Variants in GUCY1A2 observed in about 807,000 individuals in gnomAD.
GUCY1A2 encodes the protein guanylate cyclase 1 soluble subunit alpha 2.
GUCY1A2 carries 27 observed loss-of-function variants against 63.5 expected under a neutral mutation model. That is an observed-to-expected ratio of 0.43 (90% CI 0.31 to 0.59). The LOEUF is 0.59. GUCY1A2 is among the 20% of genes least tolerant of loss of function. The probability of loss-of-function intolerance (pLI) is 0.11; values close to 1 mark genes in which losing one functional copy is unlikely to be tolerated. For missense variants in GUCY1A2, 768 were observed against 913.3 expected, an observed-to-expected ratio of 0.84 and a Z score of 2.05; for synonymous variants, 364 against 343.5, an observed-to-expected ratio of 1.06 and a Z score of -0.66.
intron 4 of GUCY1A2, among the ~76,000 whole-genome samples, chr11:106,913,877 T>C (rs558304287): frequency 2.0e-5 from 3 of 146,374 alleles, no homozygotes; most frequent in Non-Finnish European, 3.0e-5. Flanking sequence ...AGCCACAACA[T>C]AGAAAAAGTA....
intron 6 of GUCY1A2, among the ~76,000 whole-genome samples, chr11:106,751,399 T>C (rs754981203): frequency 6.6e-6 from 1 of 152,094 alleles, no homozygotes; most frequent in African/African-American, 2.4e-5. Context: ...AAAGACTCTT[T>C]CGAAGTTTTA....
chr11:106,802,166 T>G (rs896561085), intron 5 of GUCY1A2, among the ~76,000 whole-genome samples: 3 of 152,182 alleles, frequency 2.0e-5, no homozygotes, highest in African/African-American at 7.2e-5. Context: ...CAGATTGCAT[T>G]AAGGCTATCC....
chr11:106,814,177 T>C (rs568224117), intron 4 of GUCY1A2, among the ~76,000 whole-genome samples: 3 of 152,130 alleles, frequency 2.0e-5, no homozygotes, highest in South Asian at 2.1e-4. Context: ...GCTACAGATA[T>C]AGATGTAGCT....
intron 6 of GUCY1A2, among the ~76,000 whole-genome samples, chr11:106,712,128 C>T (rs1863131347): frequency 1.3e-5 from 2 of 152,062 alleles, no homozygotes; most frequent in South Asian, 4.1e-4. Context: ...CTACCTCTCC[C>T]TCTCAGAGAT....
At chr11:106,743,327 C>A (rs1021367269) in intron 6 of GUCY1A2, among the ~76,000 whole-genome samples, 13 of 152,112 alleles carry the variant, frequency 8.5e-5, no homozygotes, top group African/African-American at 2.9e-4. Context: ...ATGGTTCTAA[C>A]AAAAATGTGG....
intron 4 of GUCY1A2, among the ~76,000 whole-genome samples, chr11:106,845,895 A>G (rs946559739): frequency 2.0e-5 from 3 of 151,702 alleles, no homozygotes; most frequent in African/African-American, 7.2e-5. Context: ...TTTTCCTTTC[A>G]ACGAAAAGAT....
intron 4 of GUCY1A2, among the ~76,000 whole-genome samples, chr11:106,872,954 T>C (rs1859700887): frequency 6.6e-6 from 1 of 152,142 alleles, no homozygotes; most frequent in South Asian, 2.1e-4. Flanking sequence ...TGGTGTGTTT[T>C]GTTCCCCTCC....
chr11:106,988,506 A>C lies in GUCY1A2; in HGVS notation c.304-2375T>G, dbSNP rs183569831. ...TGTACCAGGAATTTCCCAGTCATTA[A>C]AAAGCACATATTTGTGAAAGGAGTT... On this transcript the variant is annotated intron_variant, in intron 1 of 7. Coordinates refer to ENST00000526355, the MANE Select transcript of GUCY1A2 (RefSeq NM_000855.3). Among the ~76,000 whole-genome samples, 97 of 152,326 alleles carry C rather than the reference A, an allele frequency of 6.4e-4. 2 individuals carry two copies. The highest frequency in any genetic ancestry group is 2.2e-3 in the African/African-American group (90 of 41,574).
At chr11:106,762,948 CCTG>C (rs1403323105) in intron 6 of GUCY1A2, among the ~76,000 whole-genome samples, 3 of 151,924 alleles carry the variant, frequency 2.0e-5, no homozygotes, top group Admixed American at 1.3e-4. Context: ...GTAGGCATTG[CCTG>C]CTGATTATTC....
chr11:106,814,719 C>A (rs74822227), intron 4 of GUCY1A2, among the ~76,000 whole-genome samples: 1 of 151,996 alleles, frequency 6.6e-6, no homozygotes, highest in Non-Finnish European at 1.5e-5. Context: ...CACCACATAA[C>A]CTCTGAAAAT....
chr11:106,825,017 T>C lies in GUCY1A2; in HGVS notation c.1207-14539A>G, dbSNP rs538986383. 1.9e-5 allele frequency: 30 copies of C among 1,564,728 alleles called. No homozygotes were observed. In the African/African-American group the frequency reaches 3.1e-4, roughly 16 times the overall value. On this transcript the variant is annotated intron_variant, in intron 4 of 7. Coordinates refer to ENST00000526355, the MANE Select transcript of GUCY1A2 (RefSeq NM_000855.3). ...TTTATGCATGTATATGCCACTATTT[T>C]TGTAGTTAGACAATAGTTTTTAAAA... is the stretch of plus-strand genomic sequence containing the variant.
At chr11:106,932,306 T>G (rs994157703) in intron 4 of GUCY1A2, among the ~76,000 whole-genome samples, 2 of 152,176 alleles carry the variant, frequency 1.3e-5, no homozygotes, top group African/African-American at 4.8e-5. Flanking sequence ...TAATTCATCA[T>G]GTAATCATGT....
At chr11:107,016,087 T>C (rs7117556) in intron 1 of GUCY1A2, among the ~76,000 whole-genome samples, 2,061 of 152,290 alleles carry the variant, frequency 0.014, 30 homozygotes, top group South Asian at 0.045. Context: ...ACAAGAATAT[T>C]TGTAGACCTG....
At chr11:106,977,775 T>C (rs940816078) in intron 3 of GUCY1A2, among the ~76,000 whole-genome samples, 1 of 152,186 alleles carries the variant, frequency 6.6e-6, no homozygotes, top group African/African-American at 2.4e-5. Context: ...CTGCATTCTG[T>C]GTGGAGTCGC....
intron 5 of GUCY1A2, among the ~76,000 whole-genome samples, chr11:106,785,493 G>C (rs546825484): frequency 8.8e-4 from 134 of 151,902 alleles, no homozygotes; most frequent in African/African-American, 3.2e-3. Context: ...GTTAATGTGT[G>C]TGTGTATGTT....
At position 106,684,125 on chromosome 11, in the gene GUCY1A2, C is replaced by T. The variant is rs1862479647; in HGVS notation, c.*3424G>A. On this transcript the variant is annotated 3_prime_UTR_variant, in exon 8 of 8. Transcript: ENST00000526355. ...TTCACACTAAACTACTGTGTCCTGACACCGTTGTTACTGGACAAGAGGAAG... is the reference window on the plus strand; with the variant it reads ...TTCACACTAAACTACTGTGTCCTGATACCGTTGTTACTGGACAAGAGGAAG... The T allele has an allele frequency of 5.4e-6, 1 of 184,492 alleles. No homozygotes were observed. Among genetic ancestry groups the T allele is most frequent in the Non-Finnish European group, 1.2e-5 (1 of 86,904 alleles). The allele number at this position is 184,492 out of a possible 1,614,324, so 11.4% of individuals were successfully genotyped here. A position where few individuals can be genotyped will look rare whatever the true frequency, so the allele number is the denominator to read the frequency against.
intron 4 of GUCY1A2, chr11:106,827,128 T>C: frequency 4.1e-6 from 6 of 1,475,984 alleles, no homozygotes. Context: ...AGCTTCAAGG[T>C]GAATCTTATG....
At chr11:106,695,107 T>C (rs1862694205) in intron 7 of GUCY1A2, among the ~76,000 whole-genome samples, 1 of 152,134 alleles carries the variant, frequency 6.6e-6, no homozygotes, top group Non-Finnish European at 1.5e-5. Flanking sequence ...TTCAGCTTTC[T>C]TTTAGACATT....
rs1176807086 is a variant in GUCY1A2, at chr11:107,017,980, C to T, written c.76G>A (p.Glu26Lys). Reference sequence around the variant, plus strand: ...AGCCTAGACAGGGGGCACTCCCCCTCCTCCTCCGGGCTGGTCTCCAGGTAG... The same window carrying T: ...AGCCTAGACAGGGGGCACTCCCCCTTCTCCTCCGGGCTGGTCTCCAGGTAG... ...SDYLETSPEE[E>K]GECPLSRLCW... Residue 26 changes from glutamate to lysine, a missense_variant, in exon 1 of 8, where the codon GAG (glutamate) becomes AAG (lysine). Physicochemically the swap from Glu to Lys is moderately conservative, Grantham distance 56 (BLOSUM62 1). Transcript: ENST00000526355. 4 of 1,452,776 alleles carry T rather than the reference C, an allele frequency of 2.8e-6. No homozygotes were observed. Among genetic ancestry groups the T allele is most frequent in the Non-Finnish European group, 3.7e-6 (4 of 1,090,736 alleles). 90.0% of individuals were successfully genotyped at this position (1,452,776 alleles called of 1,614,324 possible).
Sources: allele counts gnomAD v4.1 joint callset (sites outside exome capture counted in the v4.1 genomes callset), GRCh38; gene constraint gnomAD v4.1.1; transcripts MANE v1.5; gene names NCBI Gene and HGNC (gene_info 2026-07-23, HGNC 2026-07-21).